The following ACOXL variants were observed in gnomAD, a reference collection of about 807,000 sequenced individuals.
The protein encoded by ACOXL is acyl-coenzyme A oxidase-like protein.
In ACOXL, 70 loss-of-function variants were observed where a neutral mutation model predicts 71.9. The ratio of observed to expected loss-of-function variants is 0.97; its 90% CI spans 0.80 to 1.19. The LOEUF (loss-of-function observed/expected upper bound fraction) is 1.19, where lower values mean the gene tolerates loss of function less well. Ranked by LOEUF, ACOXL falls within the 50% of genes most tolerant of loss-of-function variation. The probability of loss-of-function intolerance (pLI) is 0.00; values close to 1 mark genes in which losing one functional copy is unlikely to be tolerated. For synonymous variants in ACOXL, 253 were observed against 281.6 expected (o/e 0.90, Z 1.02); for missense variants, 703 against 736.3 (o/e 0.95, Z 0.52).
At position 110,849,183 on chromosome 2, in the gene ACOXL, C is replaced by G. The variant is rs539213032; in HGVS notation, c.788+7778C>G. On this transcript the variant is annotated intron_variant, in intron 10 of 17. Transcript: ENST00000439055. ...TCTCCTTCCTGTCTGCCTCAGGCAACAGGTGGGAAAGGCAGGCGGCATCCC... is the reference window on the plus strand; with the variant it reads ...TCTCCTTCCTGTCTGCCTCAGGCAAGAGGTGGGAAAGGCAGGCGGCATCCC... Among the ~76,000 whole-genome samples the G allele has an allele frequency of 2.6e-5, 4 of 152,338 alleles. No individual in the cohort carries two copies. The South Asian group carries it at 8.3e-4, about 32-fold the overall frequency.
chr2:110,826,059 A>G (rs1689129074), intron 9 of ACOXL, among the ~76,000 whole-genome samples: 1 of 152,200 alleles, frequency 6.6e-6, no homozygotes, highest in African/African-American at 2.4e-5. Context: ...CCCCCATCAA[A>G]TTTCAGTGGC....
chr2:111,069,101 T>G (rs2067209810), intron 16 of ACOXL, among the ~76,000 whole-genome samples: 4 of 152,112 alleles, frequency 2.6e-5, no homozygotes, highest in Admixed American at 2.6e-4. Context: ...TCCTGGCCTT[T>G]TCTCTGTGCA....
At chr2:110,951,109 G>C (rs1242665051) in intron 12 of ACOXL, among the ~76,000 whole-genome samples, 1 of 152,180 alleles carries the variant, frequency 6.6e-6, no homozygotes, top group East Asian at 1.9e-4. Context: ...GCCACTTCTG[G>C]TTAGGGAATG....
At position 110,963,695 on chromosome 2, in the gene ACOXL, C is replaced by T. The variant is rs150414367; in HGVS notation, c.1060-23413C>T. On this transcript the variant is annotated intron_variant, in intron 12 of 17. Coordinates refer to ENST00000439055, the MANE Select transcript of ACOXL (RefSeq NM_001142807.4). ...ATGTGTTTGCCACTTTTGAAGGTGA[C>T]GATGTTGTTATGCTTCAGGTAAGAT... 6.2e-5 allele frequency: 100 copies of T among 1,613,358 alleles called. No individual in the cohort carries two copies. The Middle Eastern group carries it at 8.2e-4, about 13-fold the overall frequency.
intron 2 of ACOXL, among the ~76,000 whole-genome samples, chr2:110,772,398 C>T (rs1304242247): frequency 2.6e-5 from 4 of 152,304 alleles, no homozygotes; most frequent in African/African-American, 9.6e-5. Context: ...TGCACTATGC[C>T]TCCTTTCCTG....
chr2:110,883,839 C>T (rs1198556045), intron 10 of ACOXL, among the ~76,000 whole-genome samples: 1 of 152,118 alleles, frequency 6.6e-6, no homozygotes, highest in African/African-American at 2.4e-5. Flanking sequence ...AGACATACTC[C>T]ATCCTTTGTA....
chr2:111,019,674 C>G (rs1249872570), intron 14 of ACOXL, among the ~76,000 whole-genome samples: 1 of 152,146 alleles, frequency 6.6e-6, no homozygotes, highest in Non-Finnish European at 1.5e-5. Context: ...CAGGCATAGA[C>G]TTTGTCTTTG....
chr2:111,090,566 C>A (rs1402930531), intron 16 of ACOXL, among the ~76,000 whole-genome samples: 2 of 152,138 alleles, frequency 1.3e-5, no homozygotes, highest in African/African-American at 4.8e-5. Flanking sequence ...GAATCAGGTA[C>A]ACAAAAGCCA....
chr2:110,814,980 T>A (rs759495931), intron 9 of ACOXL, among the ~76,000 whole-genome samples: 2 of 152,226 alleles, frequency 1.3e-5, no homozygotes, highest in Non-Finnish European at 2.9e-5. Flanking sequence ...TTGGTTCTCA[T>A]GTTGCTAATA....
At chr2:111,073,198 G>A (rs1481829965) in intron 16 of ACOXL, among the ~76,000 whole-genome samples, 1 of 152,076 alleles carries the variant, frequency 6.6e-6, no homozygotes, top group African/African-American at 2.4e-5. Context: ...TTCTCCCATT[G>A]TATAGTATGT....
At chr2:110,991,416 T>G (rs530414950) in intron 13 of ACOXL, among the ~76,000 whole-genome samples, 7 of 152,328 alleles carry the variant, frequency 4.6e-5, no homozygotes, top group African/African-American at 1.7e-4. Flanking sequence ...TTCATTGATT[T>G]ATGCTCATGA....
chr2:111,077,895 CT>C (rs2149959114), intron 16 of ACOXL, among the ~76,000 whole-genome samples: 1 of 152,238 alleles, frequency 6.6e-6, no homozygotes, highest in East Asian at 1.9e-4. Flanking sequence ...GCATAAATTT[CT>C]TTGTGTTTAT....
chr2:110,823,335 A>G (rs1688832468), intron 9 of ACOXL, among the ~76,000 whole-genome samples: 2 of 151,976 alleles, frequency 1.3e-5, no homozygotes, highest in Non-Finnish European at 2.9e-5. Context: ...TCCACTGTAT[A>G]GATGTACCAC....
intron 12 of ACOXL, among the ~76,000 whole-genome samples, chr2:110,939,049 A>G (rs1032913696): frequency 1.2e-4 from 19 of 152,180 alleles, no homozygotes; most frequent in Non-Finnish European, 2.4e-4. Flanking sequence ...AGAGGGGAGC[A>G]TGAGAAATTA....
At chr2:110,969,427 A>G (rs1467276638) in intron 12 of ACOXL, among the ~76,000 whole-genome samples, 1 of 152,236 alleles carries the variant, frequency 6.6e-6, no homozygotes, top group African/African-American at 2.4e-5. Flanking sequence ...CACTCAAGCA[A>G]GATTGACAAA....
chr2:110,910,395 C>A (rs752306008), intron 11 of ACOXL, among the ~76,000 whole-genome samples: 1 of 152,306 alleles, frequency 6.6e-6, no homozygotes, highest in Admixed American at 6.5e-5. Flanking sequence ...TGAATTGTTT[C>A]CAGGCTGTAG....
intron 10 of ACOXL, among the ~76,000 whole-genome samples, chr2:110,884,105 G>A (rs1226405131): frequency 6.6e-6 from 1 of 152,162 alleles, no homozygotes; most frequent in African/African-American, 2.4e-5. Flanking sequence ...CAGGAGCAAA[G>A]CATGCACATT....
At chr2:110,887,947 A>G (rs1316814228) in intron 10 of ACOXL, 1 of 152,214 alleles carries the variant, frequency 6.6e-6, no homozygotes, top group African/African-American at 2.4e-5. Flanking sequence ...AAAATTCCCA[A>G]CGTTTATTTG....
At chr2:110,904,363 C>G (rs774862183) in intron 10 of ACOXL, among the ~76,000 whole-genome samples, 1 of 152,236 alleles carries the variant, frequency 6.6e-6, no homozygotes, top group South Asian at 2.1e-4. Context: ...GACAAGCAAA[C>G]GTTCCAAGGA....
Sources: allele counts gnomAD v4.1 joint callset (sites outside exome capture counted in the v4.1 genomes callset), GRCh38; gene constraint gnomAD v4.1.1; transcripts MANE v1.5; gene names NCBI Gene and HGNC (gene_info 2026-07-23, HGNC 2026-07-21).